KAZN: variants seen among roughly 807,000 people sequenced by gnomAD.
The protein encoded by KAZN is kazrin, periplakin interacting protein, also known as kazrin.
KAZN carries 40 observed loss-of-function variants against 87.4 expected under a neutral mutation model. The ratio of observed to expected loss-of-function variants is 0.46; its 90% CI spans 0.36 to 0.60. KAZN has a LOEUF of 0.60. Ranked by LOEUF, KAZN falls within the 20% of genes least tolerant of loss-of-function variation. The pLI, the probability that KAZN is intolerant of heterozygous loss-of-function variation, is 0.00. For missense variants in KAZN, 898 were observed against 1,073.9 expected (o/e 0.84, Z 2.29); for synonymous variants, 466 against 458.3 (o/e 1.02, Z -0.22).
chr1:14,357,499 C>T (rs1006939941), intron 2 of KAZN, among the ~76,000 whole-genome samples: 4 of 152,078 alleles, frequency 2.6e-5, no homozygotes, highest in Admixed American at 2.6e-4. Context: ...TTGTCTTGTG[C>T]CGGTTTTCAA....
intron 1 of KAZN, among the ~76,000 whole-genome samples, chr1:14,848,042 G>T (rs1350789542): frequency 6.6e-6 from 1 of 152,176 alleles, no homozygotes; most frequent in Non-Finnish European, 1.5e-5. Flanking sequence ...TTAGTTCAAT[G>T]AATAAATGAA....
At chr1:14,270,640 A>T (rs1651842739) in intron 2 of KAZN, among the ~76,000 whole-genome samples, 1 of 152,176 alleles carries the variant, frequency 6.6e-6, no homozygotes, top group African/African-American at 2.4e-5. Context: ...ATGTTAATTA[A>T]TATGAGTCCA....
intron 2 of KAZN, among the ~76,000 whole-genome samples, chr1:15,025,888 C>T (rs886230840): frequency 3.9e-5 from 6 of 152,108 alleles, no homozygotes; most frequent in Non-Finnish European, 7.4e-5. Flanking sequence ...TTTGGGAGGC[C>T]AAGGCGGGCG....
chr1:14,654,971 C>T (rs1638695059), intron 1 of KAZN, among the ~76,000 whole-genome samples: 1 of 152,184 alleles, frequency 6.6e-6, no homozygotes, highest in African/African-American at 2.4e-5. Context: ...GCTGGGGGGC[C>T]CACTGACCCA....
chr1:14,106,474 C>T (rs1644377417), intron 1 of KAZN, among the ~76,000 whole-genome samples: 2 of 152,204 alleles, frequency 1.3e-5, no homozygotes, highest in African/African-American at 4.8e-5. Context: ...CAGCCATGCC[C>T]CTTCCTGCCT....
Position 13,970,926 on chromosome 1 carries a change from G to C in KAZN, c.91+77170G>C, listed in dbSNP as rs543377246. On this transcript the variant is annotated intron_variant, in intron 1 of 16. Coordinates refer to the KAZN transcript ENST00000636203. ...TCAGGCATAAAGATTTTCTTATTCT[G>C]ATGGTTTTAATGAGAACTGAAAATG... Among the ~76,000 whole-genome samples, 7 of 152,318 alleles carry C rather than the reference G, an allele frequency of 4.6e-5. No individual in the cohort carries two copies. In the South Asian group the frequency reaches 1.4e-3, roughly 32 times the overall value.
At position 15,056,754 on chromosome 1, in the gene KAZN, A is replaced by G. The variant is rs561092035; in HGVS notation, c.916+474A>G. Among the ~76,000 whole-genome samples, 26 of 152,156 alleles carry G rather than the reference A, an allele frequency of 1.7e-4. No individual in the cohort carries two copies. The highest frequency in any genetic ancestry group is 3.2e-4 in the Non-Finnish European group (22 of 68,026). On this transcript the variant is annotated intron_variant, in intron 5 of 14. Transcript: ENST00000376030. This position sits in a 1 kb window ranked among gnomAD's most constrained non-coding sequence, Gnocchi z 5.4. ...ACTCCTTGATTGACAGCTCTGGCCA[A>G]TCACAGGGCATCCAAGAGGGGCTGA...
intron 1 of KAZN, among the ~76,000 whole-genome samples, chr1:14,623,941 T>G (rs1207047231): frequency 3.9e-5 from 6 of 152,214 alleles, no homozygotes; most frequent in Non-Finnish European, 1.5e-5. Context: ...TTGAGACTTG[T>G]TTTATATCTT....
At chr1:14,368,541 G>C (rs1660202788) in intron 2 of KAZN, among the ~76,000 whole-genome samples, 1 of 152,104 alleles carries the variant, frequency 6.6e-6, no homozygotes, top group Admixed American at 6.5e-5. Context: ...AACAACCCAT[G>C]GGACCTAGAG....
At chr1:13,915,051 T>C (rs1639792585) in intron 1 of KAZN, among the ~76,000 whole-genome samples, 1 of 152,212 alleles carries the variant, frequency 6.6e-6, no homozygotes, top group East Asian at 1.9e-4. Flanking sequence ...TGGTGATTTG[T>C]TACACAGTAA....
intron 1 of KAZN, among the ~76,000 whole-genome samples, chr1:14,070,683 G>A (rs150886841): frequency 1.2e-4 from 18 of 152,274 alleles, no homozygotes; most frequent in African/African-American, 4.3e-4. Context: ...TGACACTTTC[G>A]TACACGTATG....
At chr1:14,257,959 T>TAAAAAAAAAAAAAAAA (rs1168366132) in intron 2 of KAZN, among the ~76,000 whole-genome samples, 6 of 28,726 alleles carry the variant, frequency 2.1e-4, no homozygotes, top group Non-Finnish European at 3.4e-4. Flanking sequence ...AAAAAAACAT[T>TAAAAAAAAAAAAAAAA]AAAAAAAAAA....
At chr1:15,046,591 A>C (rs534108401) in intron 4 of KAZN, among the ~76,000 whole-genome samples, 1 of 152,314 alleles carries the variant, frequency 6.6e-6, no homozygotes, top group South Asian at 2.1e-4. Context: ...AGCATTTGGC[A>C]CCGGGCCTGG....
chr1:14,209,903 A>G (rs1486079929), intron 2 of KAZN, among the ~76,000 whole-genome samples: 1 of 152,034 alleles, frequency 6.6e-6, no homozygotes, highest in African/African-American at 2.4e-5. Flanking sequence ...ACGAGCTGCT[A>G]CTGTTTGTGG....
chr1:14,277,360 A>G (rs1652450125), intron 2 of KAZN, among the ~76,000 whole-genome samples: 1 of 152,196 alleles, frequency 6.6e-6, no homozygotes, highest in Non-Finnish European at 1.5e-5. Flanking sequence ...TTTTAAACCT[A>G]TACGAGTTAG....
In KAZN at chr1:15,104,177, T is replaced by G. The variant is rs1373075875; in HGVS notation, c.2036T>G (p.Phe679Cys). Residue 679 changes from phenylalanine (F) to cysteine (C), a missense_variant, in exon 13 of 15, where the codon TTC (phenylalanine) becomes TGC (cysteine). Around this residue, in one of 3 missense-constraint regions of KAZN, gnomAD observed 521 missense variants for 689.4 expected, o/e 0.76. Transcript: ENST00000376030. ...RHLAEEMSAV[F>C]HPANSTGIRE... ...CTGGCAGAGGAGATGAGCGCCGTCT[T>G]CCACCCAGCCAAGTGAGCACGGGCT... 13 of 1,584,364 alleles carry G rather than the reference T, an allele frequency of 8.2e-6. No homozygotes were observed. The highest frequency in any genetic ancestry group is 1.7e-6 in the Non-Finnish European group (2 of 1,165,998).
In KAZN at chr1:14,832,839, T is replaced by C. The variant is rs75364344; in HGVS notation, c.227-127845T>C. On this transcript the variant is annotated intron_variant, in intron 1 of 14. Transcript: ENST00000376030. The stretch of plus-strand genomic sequence containing the variant: ...AGGAAGAGCAATATATCATGACCTG[T>C]GAAAGTTACATGAAATTCACGTTTC... 5.4e-3 allele frequency among the ~76,000 whole-genome samples: 828 copies of C among 152,274 alleles called. 17 individuals are homozygous for C. Among genetic ancestry groups the C allele is most frequent in the African/African-American group, 0.019 (787 of 41,550 alleles).
chr1:13,994,735 C>T (rs191807842), intron 1 of KAZN, among the ~76,000 whole-genome samples: 1 of 152,070 alleles, frequency 6.6e-6, no homozygotes, highest in Non-Finnish European at 1.5e-5. Flanking sequence ...AGGAAGTTAC[C>T]CTCAAGCAGG....
intron 1 of KAZN, among the ~76,000 whole-genome samples, chr1:14,060,111 T>TC (rs200426243): frequency 0.053 from 8,081 of 152,154 alleles, 586 homozygotes; most frequent in African/African-American, 0.16. Context: ...ACGCCTGTAA[T>TC]CCAGCACTTT....
Sources: allele counts gnomAD v4.1 joint callset (sites outside exome capture counted in the v4.1 genomes callset), GRCh38; gene constraint gnomAD v4.1.1; regional missense constraint gnomAD v4.1.1; non-coding constraint Gnocchi (gnomAD v3.1); transcripts MANE v1.5; gene names NCBI Gene and HGNC (gene_info 2026-07-23, HGNC 2026-07-21).